The following COMMD1 variants were observed in gnomAD, a reference collection of about 807,000 sequenced individuals.
COMMD1 encodes the protein copper metabolism domain containing 1.
A neutral mutation model predicts 17.2 loss-of-function variants in COMMD1; 10 were observed. That is an observed-to-expected ratio of 0.58 (90% confidence interval 0.36 to 0.99). The LOEUF is 0.99. Ranked by LOEUF, COMMD1 falls within the 50% of genes least tolerant of loss-of-function variation. The probability of loss-of-function intolerance (pLI) is 0.01; values close to 1 mark genes in which losing one functional copy is unlikely to be tolerated. For missense variants in COMMD1, 270 were observed against 231.8 expected, an observed-to-expected ratio of 1.17 and a Z score of -1.07; for synonymous variants, 97 against 91.6, an observed-to-expected ratio of 1.06 and a Z score of -0.34.
intron 2 of COMMD1, among the ~76,000 whole-genome samples, chr2:62,051,537 C>G (rs1223930053): frequency 6.6e-6 from 1 of 152,172 alleles, no homozygotes; most frequent in Non-Finnish European, 1.5e-5. Context: ...TCTGATACTA[C>G]TCTTTCAAGC....
At chr2:61,975,293 T>G (rs766965590) in intron 1 of COMMD1, among the ~76,000 whole-genome samples, 2 of 152,168 alleles carry the variant, frequency 1.3e-5, no homozygotes, top group African/African-American at 4.8e-5. Flanking sequence ...CTTCTAACTT[T>G]TGGCAATTAT....
chr2:61,917,006 TA>T (rs1475593877), intron 1 of COMMD1, among the ~76,000 whole-genome samples: 1 of 152,168 alleles, frequency 6.6e-6, no homozygotes, highest in Non-Finnish European at 1.5e-5. Flanking sequence ...TCCTGCTTGC[TA>T]AATACCTGGG....
At chr2:62,012,274 C>T (rs889567962) in intron 2 of COMMD1, among the ~76,000 whole-genome samples, 3 of 121,606 alleles carry the variant, frequency 2.5e-5, no homozygotes, top group African/African-American at 6.8e-5. Flanking sequence ...CACACATACA[C>T]ACACACACAC....
chr2:61,971,242 A>T (rs1306517655), intron 1 of COMMD1, among the ~76,000 whole-genome samples: 1 of 152,226 alleles, frequency 6.6e-6, no homozygotes. Flanking sequence ...ACACCTGAAT[A>T]AAGGGGCGTG....
chr2:62,056,330 T>A (rs1452314339), intron 2 of COMMD1, among the ~76,000 whole-genome samples: 1 of 152,214 alleles, frequency 6.6e-6, no homozygotes, highest in Non-Finnish European at 1.5e-5. Flanking sequence ...TCTTCTCTTA[T>A]GCACAGAAGT....
chr2:61,899,802 G>A (rs1669621378), intron 1 of COMMD1, among the ~76,000 whole-genome samples: 1 of 152,070 alleles, frequency 6.6e-6, no homozygotes, highest in Non-Finnish European at 1.5e-5. Flanking sequence ...CTCCTGCATA[G>A]TTGGGACTAC....
chr2:62,012,266 CACAT>C lies in COMMD1; in HGVS notation c.462+11288_462+11291del, dbSNP rs1350410500. ...AGTGAGACCTTGTCTCAAACACACA[CACAT>C]ACACACACACACACACACACACACA... On this transcript the variant is annotated intron_variant, in intron 2 of 2. Transcript: ENST00000311832. 3.5e-3 allele frequency among the ~76,000 whole-genome samples: 365 copies of C among 105,764 alleles called. 3 individuals are homozygous for C. Among genetic ancestry groups the C allele is most frequent in the African/African-American group, 0.013 (312 of 24,916 alleles). 69.4% of individuals were successfully genotyped at this position (105,764 alleles called of 152,430 possible).
At chr2:62,041,821 C>G (rs2103896908) in intron 2 of COMMD1, among the ~76,000 whole-genome samples, 1 of 152,344 alleles carries the variant, frequency 6.6e-6, no homozygotes, top group Non-Finnish European at 1.5e-5. Context: ...GGTTCGTGGT[C>G]TCGCTGGCTT....
At chr2:61,975,216 A>G (rs1291875017) in intron 1 of COMMD1, among the ~76,000 whole-genome samples, 3 of 146,632 alleles carry the variant, frequency 2.0e-5, no homozygotes, top group Non-Finnish European at 4.5e-5. Flanking sequence ...GTACTAAATA[A>G]TATTTCTTTG....
intron 2 of COMMD1, among the ~76,000 whole-genome samples, chr2:62,008,588 C>A (rs1669191334): frequency 6.6e-6 from 1 of 152,138 alleles, no homozygotes; most frequent in Non-Finnish European, 1.5e-5. Context: ...GCAAGCAATA[C>A]AAATTTGTTT....
intron 2 of COMMD1, among the ~76,000 whole-genome samples, chr2:62,071,492 C>T (rs1260363402): frequency 6.6e-6 from 1 of 152,110 alleles, no homozygotes; most frequent in Non-Finnish European, 1.5e-5. Flanking sequence ...CCTAGGAATG[C>T]AGCCTGGTAG....
At chr2:62,092,650 TG>T (rs1671866168) in intron 2 of COMMD1, among the ~76,000 whole-genome samples, 1 of 152,196 alleles carries the variant, frequency 6.6e-6, no homozygotes, top group African/African-American at 2.4e-5. Flanking sequence ...CCGTGGTCTT[TG>T]GGGTCGTCAG....
At chr2:62,051,059 C>T (rs1670520897) in intron 2 of COMMD1, among the ~76,000 whole-genome samples, 1 of 152,040 alleles carries the variant, frequency 6.6e-6, no homozygotes, top group Admixed American at 6.6e-5. Context: ...CAGAAATGCC[C>T]TCTAATGAGA....
At chr2:61,983,947 C>G (rs930495965) in intron 1 of COMMD1, among the ~76,000 whole-genome samples, 1 of 152,142 alleles carries the variant, frequency 6.6e-6, no homozygotes, top group African/African-American at 2.4e-5. Flanking sequence ...AGTTTTTCCT[C>G]TTTTTGACAT....
intron 2 of COMMD1, among the ~76,000 whole-genome samples, chr2:62,033,255 A>G (rs1669957683): frequency 6.6e-6 from 1 of 152,226 alleles, no homozygotes; most frequent in Non-Finnish European, 1.5e-5. Flanking sequence ...TATCTGGTAT[A>G]AAGGGTAATA....
At chr2:62,128,950 TAA>T (rs5831628) in intron 2 of COMMD1, among the ~76,000 whole-genome samples, 5,784 of 130,256 alleles carry the variant, frequency 0.044, 367 homozygotes, top group African/African-American at 0.15. Flanking sequence ...AAACTCCATC[TAA>T]AAAAAAAAAA....
intron 2 of COMMD1, among the ~76,000 whole-genome samples, chr2:62,020,633 A>G (rs1293148988): frequency 6.6e-6 from 1 of 152,146 alleles, no homozygotes; most frequent in African/African-American, 2.4e-5. Flanking sequence ...ACACCTAAAA[A>G]TCTCTTTGAG....
At chr2:61,892,284 A>G (rs570468017) in intron 1 of COMMD1, among the ~76,000 whole-genome samples, 1 of 152,170 alleles carries the variant, frequency 6.6e-6, no homozygotes, top group Non-Finnish European at 1.5e-5. Flanking sequence ...TAGGTTTTAC[A>G]AAACAATAAT....
chr2:61,984,046 CAG>C (rs764075806), intron 1 of COMMD1, among the ~76,000 whole-genome samples: 6 of 152,168 alleles, frequency 3.9e-5, no homozygotes, highest in Non-Finnish European at 8.8e-5. Flanking sequence ...TTGTTTGAGA[CAG>C]AGTCTCGCTC....
Sources: gnomAD v4.1 joint callset for allele counts (sites outside exome capture counted in the v4.1 genomes callset) on GRCh38, gnomAD v4.1.1 for gene constraint, MANE v1.5 for transcripts, NCBI Gene and HGNC (gene_info 2026-07-23, HGNC 2026-07-21) for gene names.